Variants in MBNL1 observed in about 807,000 individuals in gnomAD.
The protein encoded by MBNL1 is muscleblind like splicing regulator 1, also known as muscleblind-like protein 1.
A neutral mutation model predicts 42.2 loss-of-function variants in MBNL1; 8 were observed. The ratio of observed to expected loss-of-function variants is 0.19; its 90% CI spans 0.11 to 0.34. The LOEUF (loss-of-function observed/expected upper bound fraction) is 0.34, where lower values mean the gene tolerates loss of function less well. Ranked by LOEUF, MBNL1 falls within the 10% of genes least tolerant of loss-of-function variation. The pLI is 1.00. For missense variants in MBNL1, 309 were observed against 495.3 expected (o/e 0.62, Z 3.57); for synonymous variants, 169 against 173.9 (o/e 0.97, Z 0.22).
chr3:152,344,181 TA>T (rs1488590400), intron 2 of MBNL1, among the ~76,000 whole-genome samples: 1 of 152,058 alleles, frequency 6.6e-6, no homozygotes, highest in Non-Finnish European at 1.5e-5. Flanking sequence ...GAATCTAAGT[TA>T]AAAAACATAA....
intron 3 of MBNL1, among the ~76,000 whole-genome samples, chr3:152,419,013 G>A (rs1242662358): frequency 2.0e-5 from 3 of 152,058 alleles, no homozygotes; most frequent in Non-Finnish European, 4.4e-5. Context: ...ATCATGCCCA[G>A]CCGACAATCT....
chr3:152,461,715 T>C (rs1320872533), intron 9 of MBNL1, among the ~76,000 whole-genome samples: 1 of 152,218 alleles, frequency 6.6e-6, no homozygotes, highest in Non-Finnish European at 1.5e-5. Flanking sequence ...TTTTAATATA[T>C]GTAAATATTC....
chr3:152,268,179 C>G (rs1403570846), upstream of MBNL1: 9 of 152,452 alleles, frequency 5.9e-5, no homozygotes, highest in Admixed American at 5.2e-4. Context: ...TTTGCTTTCT[C>G]TAAATCACAT....
chr3:152,413,394 C>G (rs1361728986), intron 2 of MBNL1, among the ~76,000 whole-genome samples: 1 of 152,106 alleles, frequency 6.6e-6, no homozygotes, highest in Non-Finnish European at 1.5e-5. Flanking sequence ...GAAGTTAGCT[C>G]CTTATGCAGT....
At chr3:152,407,914 G>A (rs148062157) in intron 2 of MBNL1, among the ~76,000 whole-genome samples, 29 of 152,218 alleles carry the variant, frequency 1.9e-4, no homozygotes, top group Admixed American at 9.8e-4. Flanking sequence ...CCACTTATAA[G>A]TGGGAGCTGA....
At chr3:152,441,470 T>C (rs1231170384) in intron 4 of MBNL1, among the ~76,000 whole-genome samples, 1 of 151,964 alleles carries the variant, frequency 6.6e-6, no homozygotes, top group Non-Finnish European at 1.5e-5. Flanking sequence ...TGATAGGAAC[T>C]GGAACTCACA....
In MBNL1 at chr3:152,332,692, TTGTGTGTGTGTGTGTGTG is replaced by T. The variant is rs71144115; in HGVS notation, c.174+32356_174+32373del. 2.0e-3 allele frequency among the ~76,000 whole-genome samples: 271 copies of T among 132,994 alleles called. 1 individual carries two copies. The highest frequency in any genetic ancestry group is 0.016 in the Middle Eastern group (4 of 252). The allele number at this position is 132,994 out of a possible 152,430, so 87.2% of individuals were successfully genotyped here. On this transcript the variant is annotated intron_variant, in intron 2 of 9. Transcript: ENST00000324210. ...TTTTCTCTTTGAAGTTTTCATGGTT[TTGTGTGTGTGTGTGTGTG>T]TGTGTGTGTGTGTGTGTGTGTGTGT...
At chr3:152,331,425 G>T (rs1287739648) in intron 2 of MBNL1, among the ~76,000 whole-genome samples, 5 of 152,150 alleles carry the variant, frequency 3.3e-5, no homozygotes, top group Non-Finnish European at 7.4e-5. Context: ...TGTACCATTA[G>T]AGCTTTTCAC....
At position 152,300,376 on chromosome 3, in the gene MBNL1, C is replaced by T; in HGVS notation, c.174+9C>T. The T allele has an allele frequency of 1.2e-6, 2 of 1,607,914 alleles. No homozygotes were observed. Among genetic ancestry groups the T allele is most frequent in the Non-Finnish European group, 1.7e-6 (2 of 1,174,774 alleles). ...GCTTTGATTCATTGAAAGTGAGTAA[C>T]TATTATATTCTTTTAAGGATATTCA... On this transcript the variant is annotated intron_variant, in intron 2 of 9. Coordinates refer to ENST00000324210, the MANE Select transcript of MBNL1 (RefSeq NM_021038.5).
At chr3:152,402,441 A>G (rs1197068205) in intron 2 of MBNL1, among the ~76,000 whole-genome samples, 1 of 152,190 alleles carries the variant, frequency 6.6e-6, no homozygotes, top group East Asian at 1.9e-4. Flanking sequence ...TGAACAAGCA[A>G]CTTTCTGATT....
At chr3:152,278,568 CTT>C (rs2046603863) in intron 1 of MBNL1, among the ~76,000 whole-genome samples, 1 of 152,110 alleles carries the variant, frequency 6.6e-6, no homozygotes, top group Non-Finnish European at 1.5e-5. Flanking sequence ...CGGGAAATGA[CTT>C]TCTCAGAGTG....
At chr3:152,276,232 G>C (rs2045110850) in intron 1 of MBNL1, among the ~76,000 whole-genome samples, 1 of 152,044 alleles carries the variant, frequency 6.6e-6, no homozygotes, top group Non-Finnish European at 1.5e-5. Flanking sequence ...TGAGAATATA[G>C]CTGTAATTAT....
intron 8 of MBNL1, chr3:152,458,463 A>T: frequency 2.4e-6 from 1 of 414,598 alleles, no homozygotes; most frequent in Non-Finnish European, 4.5e-6. Context: ...ACTTAAGCAT[A>T]GAGTAATGAG....
chr3:152,300,467 ATAGTT>A, intron 2 of MBNL1, 100 bp downstream of exon 2: 1 of 1,045,604 alleles, frequency 9.6e-7, no homozygotes, highest in Non-Finnish European at 1.4e-6. Flanking sequence ...TGCTTTGTTC[ATAGTT>A]TAGTTATACA....
chr3:152,421,595 C>T (rs987922554), intron 3 of MBNL1, among the ~76,000 whole-genome samples: 3 of 152,034 alleles, frequency 2.0e-5, no homozygotes, highest in African/African-American at 4.8e-5. Context: ...ATACAGAGAA[C>T]GACACAAATA....
chr3:152,431,755 A>G (rs1358694554), intron 3 of MBNL1, among the ~76,000 whole-genome samples: 1 of 152,256 alleles, frequency 6.6e-6, no homozygotes, highest in East Asian at 1.9e-4. Flanking sequence ...TTGAGACTCT[A>G]TTAGGAAGTT....
At chr3:152,302,028 A>G (rs1938438414) in intron 2 of MBNL1, 1 of 152,206 alleles carries the variant, frequency 6.6e-6, no homozygotes, top group African/African-American at 2.4e-5. Flanking sequence ...ACATTGTGAA[A>G]CATTACTATT....
At chr3:152,302,362 A>C (rs542980150) in intron 2 of MBNL1, 65 of 152,280 alleles carry the variant, frequency 4.3e-4, no homozygotes, top group South Asian at 2.7e-3. Flanking sequence ...GAAAAAAAAA[A>C]CATGAATTTA....
At chr3:152,398,439 T>C (rs2098081339) in intron 2 of MBNL1, among the ~76,000 whole-genome samples, 1 of 152,188 alleles carries the variant, frequency 6.6e-6, no homozygotes, top group African/African-American at 2.4e-5. Flanking sequence ...ATATTATGGC[T>C]GAATATGTCA....
Sources: gnomAD v4.1 joint callset for allele counts (sites outside exome capture counted in the v4.1 genomes callset) on GRCh38, gnomAD v4.1.1 for gene constraint, MANE v1.5 for transcripts, NCBI Gene and HGNC (gene_info 2026-07-23, HGNC 2026-07-21) for gene names.